The following SLCO5A1 variants were observed in gnomAD, a reference collection of about 807,000 sequenced individuals.
SLCO5A1 encodes the protein organic anion transporter polypeptide-related protein 4.
SLCO5A1 carries 39 observed loss-of-function variants against 65.1 expected under a neutral mutation model. The observed-to-expected ratio is 0.60, with a 90% CI of 0.46 to 0.78. SLCO5A1 has a LOEUF of 0.78. Ranked by LOEUF, SLCO5A1 falls within the 30% of genes least tolerant of loss-of-function variation. SLCO5A1 has a pLI of 0.00. For synonymous variants in SLCO5A1, 438 were observed against 415.7 expected, an observed-to-expected ratio of 1.05 and a Z score of -0.65; for missense variants, 1,029 against 1,069.4, an observed-to-expected ratio of 0.96 and a Z score of 0.53.
intron 5 of SLCO5A1, among the ~76,000 whole-genome samples, chr8:69,715,688 G>A (rs183085381): frequency 1.2e-3 from 180 of 152,278 alleles, no homozygotes; most frequent in Non-Finnish European, 1.6e-3. Context: ...ACTAAGGCCA[G>A]GTGGAAATTT....
At chr8:69,762,182 CTT>C (rs1396736106) in intron 2 of SLCO5A1, among the ~76,000 whole-genome samples, 11 of 60,828 alleles carry the variant, frequency 1.8e-4, no homozygotes, top group South Asian at 1.8e-3. Context: ...TTCTTTCTTT[CTT>C]TCTTTCTTTC....
At chr8:69,673,712 A>G (rs998294636) in intron 9 of SLCO5A1, among the ~76,000 whole-genome samples, 12 of 152,270 alleles carry the variant, frequency 7.9e-5, no homozygotes, top group Admixed American at 1.3e-4. Context: ...GTCATTAAGT[A>G]TTCAACAGGC....
In SLCO5A1 at chr8:69,761,418, A is replaced by T. The variant is rs1253231498; in HGVS notation, c.1040+325T>A. The T allele has an allele frequency of 2.6e-5, 7 of 267,278 alleles. No homozygotes were observed. In the South Asian group the frequency reaches 2.8e-4, roughly 11 times the overall value. The allele number at this position is 267,278 out of a possible 1,614,324, so 16.6% of individuals were successfully genotyped here. A position where few individuals can be genotyped will look rare whatever the true frequency, so the allele number is the denominator to read the frequency against. On this transcript the variant is annotated intron_variant, in intron 3 of 9. Transcript: ENST00000260126. ...CAACACTCCAACCTGTGCTTTAATC[A>T]TCGAATCTCCTTCTTTGATTCTTGC... is the stretch of plus-strand genomic sequence containing the variant.
At chr8:69,772,990 G>T (rs1818397756) in intron 2 of SLCO5A1, 1 of 984,218 alleles carries the variant, frequency 1.0e-6, no homozygotes, top group African/African-American at 1.7e-5. Context: ...GGAAAGGAAT[G>T]ATACGTTATA....
intron 6 of SLCO5A1, among the ~76,000 whole-genome samples, chr8:69,688,080 T>C (rs956382966): frequency 9.2e-5 from 14 of 152,048 alleles, no homozygotes; most frequent in African/African-American, 3.1e-4. Context: ...AATTTGCTTA[T>C]AGTTTTTATC....
intron 4 of SLCO5A1, among the ~76,000 whole-genome samples, chr8:69,748,089 AAAC>A: frequency 6.6e-6 from 1 of 152,116 alleles, no homozygotes; most frequent in Admixed American, 6.5e-5. Context: ...CTCCCCTCCA[AAAC>A]ACACCAGCAA....
intron 8 of SLCO5A1, among the ~76,000 whole-genome samples, chr8:69,677,188 C>T (rs1323122141): frequency 1.3e-5 from 2 of 152,088 alleles, no homozygotes; most frequent in African/African-American, 4.8e-5. Context: ...GGAAACAAGT[C>T]AAAGATCAGA....
intron 2 of SLCO5A1, among the ~76,000 whole-genome samples, chr8:69,824,976 C>T (rs954955204): frequency 1.0e-3 from 154 of 152,062 alleles, no homozygotes; most frequent in African/African-American, 3.1e-3. Flanking sequence ...GTTCAATATA[C>T]GCAAATCAAT....
chr8:69,809,379 T>C (rs529378041), intron 2 of SLCO5A1, among the ~76,000 whole-genome samples: 4 of 152,338 alleles, frequency 2.6e-5, no homozygotes, highest in African/African-American at 7.2e-5. Flanking sequence ...AAAGATATCA[T>C]CACTGAAGAG....
chr8:69,679,374 T>C lies in SLCO5A1; in HGVS notation c.2024+4A>G, dbSNP rs746414071. ...CCACCCCAGAAGTTGAATGCTGTTC[T>C]CACCTGAGTGTTACTATGATAGCTG... On this transcript the variant is annotated splice_donor_region_variant and intron_variant, in intron 8 of 9. Transcript: ENST00000260126. 2.5e-6 allele frequency: 4 copies of C among 1,614,208 alleles called. No individual in the cohort carries two copies. Among genetic ancestry groups the C allele is most frequent in the Non-Finnish European group, 3.4e-6 (4 of 1,180,026 alleles).
rs529552344 is a variant in SLCO5A1, at chr8:69,695,693, T to C, written c.1622+9338A>G. ...TTGACATTATCACCAATTTTATATA[T>C]GAGAAACCCAAGACTCAACAATGGT... On this transcript the variant is annotated intron_variant, in intron 6 of 9. Transcript: ENST00000260126. Among the ~76,000 whole-genome samples, 4 of 152,138 alleles carry C rather than the reference T, an allele frequency of 2.6e-5. No individual in the cohort carries two copies. In the South Asian group the frequency reaches 8.3e-4, roughly 32 times the overall value.
At chr8:69,695,051 T>C (rs1814438905) in intron 6 of SLCO5A1, among the ~76,000 whole-genome samples, 1 of 152,232 alleles carries the variant, frequency 6.6e-6, no homozygotes, top group East Asian at 1.9e-4. Flanking sequence ...TTGCTCTGCA[T>C]GATCCAGAAA....
At chr8:69,811,789 T>C (rs10504460) in intron 2 of SLCO5A1, among the ~76,000 whole-genome samples, 14,464 of 152,276 alleles carry the variant, frequency 0.095, 760 homozygotes, top group Middle Eastern at 0.15. Flanking sequence ...GTGTTTTAAG[T>C]GCATCCTGGG....
At chr8:69,751,516 G>A (rs1817298713) in intron 4 of SLCO5A1, among the ~76,000 whole-genome samples, 1 of 151,884 alleles carries the variant, frequency 6.6e-6, no homozygotes, top group African/African-American at 2.4e-5. Flanking sequence ...CTTCCCAAAA[G>A]GGCGCCATTC....
chr8:69,827,277 C>T (rs1392608058), intron 2 of SLCO5A1, among the ~76,000 whole-genome samples: 4 of 151,612 alleles, frequency 2.6e-5, no homozygotes, highest in African/African-American at 9.7e-5. Flanking sequence ...TGCACATGTA[C>T]CCTAAAACTT....
At chr8:69,775,461 A>G (rs988189462) in intron 2 of SLCO5A1, among the ~76,000 whole-genome samples, 1 of 152,180 alleles carries the variant, frequency 6.6e-6, no homozygotes, top group South Asian at 2.1e-4. Flanking sequence ...CTTAAAGTAT[A>G]ATAATAAAAA....
At position 69,825,363 on chromosome 8, in the gene SLCO5A1, T is replaced by C. The variant is rs946501194; in HGVS notation, c.907+6404A>G. Among the ~76,000 whole-genome samples the C allele has an allele frequency of 2.7e-4, 41 of 152,206 alleles. 1 individual carries two copies. The highest frequency in any genetic ancestry group is 5.2e-4 in the Admixed American group (8 of 15,276). ...TGTCCCTGTTTGCAGATGACATGAT[T>C]GTATATTTAGAAAACCCCATCATCT... On this transcript the variant is annotated intron_variant, in intron 2 of 9. Transcript: ENST00000260126.
intron 2 of SLCO5A1, among the ~76,000 whole-genome samples, chr8:69,831,508 C>T (rs895744284): frequency 2.0e-5 from 3 of 152,124 alleles, no homozygotes; most frequent in African/African-American, 4.8e-5. Flanking sequence ...AGAAGCATCA[C>T]CCCACAGTTT....
intron 6 of SLCO5A1, among the ~76,000 whole-genome samples, chr8:69,693,860 C>T (rs1437238328): frequency 2.0e-5 from 3 of 152,254 alleles, no homozygotes; most frequent in South Asian, 2.1e-4. Context: ...CACATCAATC[C>T]GACTAGATAG....
Sources: allele counts gnomAD v4.1 joint callset (sites outside exome capture counted in the v4.1 genomes callset), GRCh38; gene constraint gnomAD v4.1.1; transcripts MANE v1.5; gene names NCBI Gene and HGNC (gene_info 2026-07-23, HGNC 2026-07-21).